The following GRID2 variants were observed in gnomAD, a reference collection of about 807,000 sequenced individuals.
GRID2 encodes glutamate ionotropic receptor delta type subunit 2.
GRID2 carries 33 observed loss-of-function variants against 114.8 expected under a neutral mutation model. The ratio of observed to expected loss-of-function variants is 0.29; its 90% CI spans 0.22 to 0.38. The LOEUF (loss-of-function observed/expected upper bound fraction) is 0.38, where lower values mean the gene tolerates loss of function less well. Ranked by LOEUF, GRID2 falls within the 10% of genes least tolerant of loss-of-function variation. The probability of loss-of-function intolerance (pLI) is 1.00; values close to 1 mark genes in which losing one functional copy is unlikely to be tolerated. For missense variants in GRID2, 1,184 were observed against 1,257.7 expected, an observed-to-expected ratio of 0.94 and a Z score of 0.89; for synonymous variants, 505 against 449.9, an observed-to-expected ratio of 1.12 and a Z score of -1.55.
At chr4:93,024,922 G>T (rs1578783109) in intron 2 of GRID2, among the ~76,000 whole-genome samples, 1 of 151,734 alleles carries the variant, frequency 6.6e-6, no homozygotes, top group Non-Finnish European at 1.5e-5. Context: ...GAGAAGACCA[G>T]CTGTTTTATC....
At chr4:93,281,801 A>G (rs1293048320) in intron 8 of GRID2, among the ~76,000 whole-genome samples, 1 of 151,974 alleles carries the variant, frequency 6.6e-6, no homozygotes. Context: ...AATCATGTAA[A>G]TCTTTTTCCT....
chr4:92,940,828 TGTGGTTTTTGTCTTTG>T (rs1418181180), intron 2 of GRID2, among the ~76,000 whole-genome samples: 3 of 152,210 alleles, frequency 2.0e-5, no homozygotes, highest in Non-Finnish European at 4.4e-5. Flanking sequence ...GAGATAATCA[TGTGGTTTTTGTCTTTG>T]GTTCTGTTTA....
intron 2 of GRID2, among the ~76,000 whole-genome samples, chr4:93,046,590 G>A (rs923909539): frequency 5.9e-5 from 9 of 151,752 alleles, no homozygotes; most frequent in African/African-American, 1.2e-4. Flanking sequence ...TTCTGTACTC[G>A]TATTTTAATC....
chr4:92,945,150 A>C (rs758711765), intron 2 of GRID2, among the ~76,000 whole-genome samples: 9 of 152,172 alleles, frequency 5.9e-5, no homozygotes. Flanking sequence ...TATTGCTTCT[A>C]TACATCCTAT....
At chr4:92,384,514 ATAT>A (rs1180308766) in intron 1 of GRID2, among the ~76,000 whole-genome samples, 2 of 32,492 alleles carry the variant, frequency 6.2e-5, no homozygotes, top group African/African-American at 1.4e-4. Context: ...ATTATATATA[ATAT>A]TATATAATAT....
intron 13 of GRID2, among the ~76,000 whole-genome samples, chr4:93,552,348 C>A (rs1206558701): frequency 2.0e-5 from 3 of 152,048 alleles, no homozygotes; most frequent in Non-Finnish European, 2.9e-5. Flanking sequence ...ATACATGTGC[C>A]TGTGTCTTTA....
chr4:93,028,082 T>G (rs952645708), intron 2 of GRID2, among the ~76,000 whole-genome samples: 1 of 152,136 alleles, frequency 6.6e-6, no homozygotes, highest in African/African-American at 2.4e-5. Flanking sequence ...ATTTATTCAT[T>G]CAACAAATAC....
chr4:92,860,942 G>C (rs1237000119), intron 2 of GRID2, among the ~76,000 whole-genome samples: 1 of 152,084 alleles, frequency 6.6e-6, no homozygotes, highest in Non-Finnish European at 1.5e-5. Flanking sequence ...GCAGGGAGTA[G>C]ATGTGCATAA....
At chr4:93,390,982 C>G (rs1220823988) in intron 8 of GRID2, among the ~76,000 whole-genome samples, 1 of 151,972 alleles carries the variant, frequency 6.6e-6, no homozygotes, top group Non-Finnish European at 1.5e-5. Context: ...GTGGTTGAAC[C>G]ATGTGATTTT....
At chr4:92,523,673 G>A (rs963252294) in intron 1 of GRID2, among the ~76,000 whole-genome samples, 2 of 152,022 alleles carry the variant, frequency 1.3e-5, no homozygotes, top group African/African-American at 2.4e-5. Context: ...GTAAAAGTAT[G>A]CTAGAAATGA....
intron 2 of GRID2, among the ~76,000 whole-genome samples, chr4:92,774,439 G>A (rs1245037738): frequency 6.6e-6 from 1 of 151,752 alleles, no homozygotes. Flanking sequence ...AGAGAACTGG[G>A]GTATCATTGA....
chr4:93,589,417 G>C (rs976130484), intron 13 of GRID2, among the ~76,000 whole-genome samples: 1 of 151,820 alleles, frequency 6.6e-6, no homozygotes, highest in Admixed American at 6.6e-5. Context: ...ATTCCATGGT[G>C]TATATGTGCC....
At chr4:93,001,952 A>AT (rs769996153) in intron 2 of GRID2, among the ~76,000 whole-genome samples, 9 of 151,488 alleles carry the variant, frequency 5.9e-5, no homozygotes, top group Non-Finnish European at 8.9e-5. Context: ...ACATTTTTCA[A>AT]TTTTTTTTCA....
chr4:92,641,452 T>C (rs75493666), intron 2 of GRID2, among the ~76,000 whole-genome samples: 11 of 131,222 alleles, frequency 8.4e-5, no homozygotes, highest in East Asian at 2.8e-4. Context: ...TATTTTTTTT[T>C]CTTTTTTTTT....
At chr4:93,291,925 C>G (rs958258010) in intron 8 of GRID2, among the ~76,000 whole-genome samples, 1 of 152,062 alleles carries the variant, frequency 6.6e-6, no homozygotes, top group Admixed American at 6.6e-5. Flanking sequence ...GATGAGAACA[C>G]TTCAAATCTA....
chr4:93,611,547 T>C (rs1392897635), intron 13 of GRID2, among the ~76,000 whole-genome samples: 1 of 142,624 alleles, frequency 7.0e-6, no homozygotes, highest in Non-Finnish European at 1.5e-5. Context: ...AGAACATCTT[T>C]ATTTCTGCCT....
At chr4:93,723,240 C>G (rs574724746) in intron 14 of GRID2, among the ~76,000 whole-genome samples, 1 of 152,290 alleles carries the variant, frequency 6.6e-6, no homozygotes, top group Non-Finnish European at 1.5e-5. Flanking sequence ...AACTCTTGAG[C>G]AGGGGCCATC....
chr4:93,649,069 C>A (rs1722358447), intron 14 of GRID2, among the ~76,000 whole-genome samples: 1 of 152,086 alleles, frequency 6.6e-6, no homozygotes, highest in African/African-American at 2.4e-5. Flanking sequence ...AACTAATATT[C>A]CCCAATTCCA....
rs1750965746 is a variant in GRID2, at chr4:92,939,841, G to C, written c.245-145154G>C. On this transcript the variant is annotated intron_variant, in intron 2 of 15. Coordinates refer to ENST00000282020, the MANE Select transcript of GRID2 (RefSeq NM_001510.4). ...ATAGGGAATCCTTTCCTCATTTCTT[G>C]TTTTTGTCAGGTTTGTCAAAGATCA... Among the ~76,000 whole-genome samples, 2 of 147,040 alleles carry C rather than the reference G, an allele frequency of 1.4e-5. 1 individual carries two copies. The highest frequency in any genetic ancestry group is 3.0e-5 in the Non-Finnish European group (2 of 66,478).
Sources: gnomAD v4.1 joint callset for allele counts (sites outside exome capture counted in the v4.1 genomes callset) on GRCh38, gnomAD v4.1.1 for gene constraint, MANE v1.5 for transcripts, NCBI Gene and HGNC (gene_info 2026-07-23, HGNC 2026-07-21) for gene names.